The following CACNA2D4 variants were observed in gnomAD, a reference collection of about 807,000 sequenced individuals.
CACNA2D4 encodes voltage-dependent calcium channel subunit alpha-2/delta-4.
CACNA2D4 carries 157 observed loss-of-function variants against 163.8 expected under a neutral mutation model. The ratio of observed to expected loss-of-function variants is 0.96; its 90% CI spans 0.84 to 1.09. The LOEUF is 1.09. Ranked by LOEUF, CACNA2D4 falls within the 50% of genes least tolerant of loss-of-function variation. The pLI is 0.00. For synonymous variants in CACNA2D4, 598 were observed against 586.9 expected (o/e 1.02, Z -0.27); for missense variants, 1,410 against 1,479.9 (o/e 0.95, Z 0.78).
chr12:1,907,454 A>AAG lies in CACNA2D4; in HGVS notation c.765_766dup (p.Phe256SerfsTer8). ...CATGTCCTTACCTGGATAGATCCTG[A>AAG]AGAATCCAGTTGCACTGCCAAAATA... On this transcript the variant is annotated frameshift_variant, in exon 6 of 38. Transcript: ENST00000382722. LOFTEE classifies it high-confidence loss of function. 1.2e-6 allele frequency: 2 copies of AAG among 1,613,956 alleles called. No individual in the cohort carries two copies. Among genetic ancestry groups the AAG allele is most frequent in the Non-Finnish European group, 1.7e-6 (2 of 1,179,866 alleles).
Position 1,855,943 on chromosome 12 carries a change from C to A in CACNA2D4, c.2152+69G>T. 4 of 1,241,194 alleles carry A rather than the reference C, an allele frequency of 3.2e-6. No individual in the cohort carries two copies. The South Asian group carries it at 4.9e-5, about 15-fold the overall frequency. The allele number at this position is 1,241,194 out of a possible 1,614,324, so 76.9% of individuals were successfully genotyped here. On this transcript the variant is annotated intron_variant, in intron 22 of 37. Transcript: ENST00000382722. ...GCAGCCTCCCCCTGCCTTCCCACCT[C>A]TCCTGGCAAAGTCCTGAACTTCAGG... is the stretch of plus-strand genomic sequence containing the variant.
intron 26 of CACNA2D4, chr12:1,823,201 T>A (rs540382499): frequency 2.0e-5 from 3 of 152,666 alleles, no homozygotes; most frequent in East Asian, 3.9e-4. Flanking sequence ...TATCTGGCTG[T>A]GTGTCTTGGA....
At chr12:1,861,151 G>C (rs1039988938) in intron 18 of CACNA2D4, among the ~76,000 whole-genome samples, 3 of 152,154 alleles carry the variant, frequency 2.0e-5, no homozygotes, top group Admixed American at 1.3e-4. Flanking sequence ...CTTTGATTTT[G>C]GAAACTGGAG....
intron 26 of CACNA2D4, among the ~76,000 whole-genome samples, chr12:1,814,046 G>T (rs1286088865): frequency 1.3e-5 from 2 of 152,188 alleles, no homozygotes; most frequent in Admixed American, 6.5e-5. Flanking sequence ...TCATCAGAGC[G>T]AATCACGCTA....
rs1287644513 is a variant in CACNA2D4, at chr12:1,918,379, C to T, written c.95G>A (p.Ser32Asn). 5 of 1,603,120 alleles carry T rather than the reference C, an allele frequency of 3.1e-6. No homozygotes were observed. The highest frequency in any genetic ancestry group is 4.3e-6 in the Non-Finnish European group (5 of 1,175,164). Residue 32 changes from serine (S) to asparagine (N), a missense_variant, in exon 1 of 38, where the codon AGC (serine) becomes AAC (asparagine). Physicochemically the swap from Ser to Asn is conservative, Grantham distance 46. Coordinates refer to ENST00000382722, the MANE Select transcript of CACNA2D4 (RefSeq NM_172364.5). Reference protein sequence around the residue: ...PNFLANPSSSSRWIPLQPMPV... With the variant: ...PNFLANPSSSNRWIPLQPMPV... The stretch of plus-strand genomic sequence containing the variant: ...CATTGGCTGGAGGGGAATCCAGCGG[C>T]TGCTGGAGCTGGGGTTTGCGAGGAA...
In CACNA2D4 at chr12:1,797,488, A is replaced by G; in HGVS notation, c.3043T>C (p.Tyr1015His). The G allele has an allele frequency of 6.3e-7, 1 of 1,585,216 alleles. No individual in the cohort carries two copies. The highest frequency in any genetic ancestry group is 8.6e-7 in the Non-Finnish European group (1 of 1,167,852). The change falls in exon 35 of 38, where the codon TAC (tyrosine) becomes CAC (histidine). Residue 1015 changes from tyrosine to histidine, a missense_variant. Physicochemically the swap from Tyr to His is moderately conservative, Grantham distance 83. Coordinates refer to ENST00000382722, the MANE Select transcript of CACNA2D4 (RefSeq NM_172364.5). ...GCCGGCTGGTACACGAACACGGGGT[A>G]CTCCGTGTCGCAGGGCTGCAGCGGG... ...QDPLQPCDTE[Y>H]PVFVYQPAIR...
At position 1,806,706 on chromosome 12, in the gene CACNA2D4, C is replaced by T. The variant is rs1014072644; in HGVS notation, c.2721+3572G>A. On this transcript the variant is annotated intron_variant, in intron 29 of 37. Transcript: ENST00000382722. This position sits in a 1 kb window ranked among gnomAD's most constrained non-coding sequence, Gnocchi z 4.1. The stretch of plus-strand genomic sequence containing the variant: ...TCTCAACCCACCATGCACCCAGTCA[C>T]CTGGAGGGCCCCTTTGAGCAGACTG... Among the ~76,000 whole-genome samples the T allele has an allele frequency of 9.2e-5, 14 of 152,160 alleles. No individual in the cohort carries two copies. Among genetic ancestry groups the T allele is most frequent in the Non-Finnish European group, 1.9e-4 (13 of 68,028 alleles).
At chr12:1,831,273 C>T in intron 26 of CACNA2D4, 4 of 1,613,780 alleles carry the variant, frequency 2.5e-6, no homozygotes, top group Non-Finnish European at 3.4e-6. Flanking sequence ...CAGGGACCTG[C>T]TGCGGCACTC....
At chr12:1,853,386 G>C (rs767724560) in intron 23 of CACNA2D4, among the ~76,000 whole-genome samples, 5 of 152,116 alleles carry the variant, frequency 3.3e-5, no homozygotes, top group Non-Finnish European at 7.3e-5. Flanking sequence ...ATCTAATTAT[G>C]TGCTTAAATT....
intron 4 of CACNA2D4, among the ~76,000 whole-genome samples, chr12:1,909,174 GTTTGTTTATTTA>G (rs146390594): frequency 0.051 from 7,766 of 152,214 alleles, 530 homozygotes; most frequent in African/African-American, 0.15. Flanking sequence ...CCAACCTGGT[GTTTGTTTATTTA>G]TTTGTTTATT....
At chr12:1,870,946 T>A (rs1865756858) in intron 18 of CACNA2D4, among the ~76,000 whole-genome samples, 2 of 152,208 alleles carry the variant, frequency 1.3e-5, no homozygotes, top group African/African-American at 2.4e-5. Context: ...CAGAGTACTC[T>A]AGCCCTGTGT....
chr12:1,868,567 CATTGT>C (rs781148289), intron 18 of CACNA2D4, among the ~76,000 whole-genome samples: 27 of 151,420 alleles, frequency 1.8e-4, no homozygotes, highest in Non-Finnish European at 2.2e-4. Context: ...GACTAGAGTT[CATTGT>C]ATTGTATTGT....
At chr12:1,855,899 A>T in intron 22 of CACNA2D4, 113 bp downstream of exon 22, 2 of 740,120 alleles carry the variant, frequency 2.7e-6, no homozygotes, top group Non-Finnish European at 4.7e-6. Context: ...TCCATGTGCT[A>T]ATGGGATAGG....
At chr12:1,847,927 A>G (rs1865187141) in intron 23 of CACNA2D4, among the ~76,000 whole-genome samples, 2 of 152,212 alleles carry the variant, frequency 1.3e-5, no homozygotes, top group South Asian at 4.1e-4. Context: ...CATTAATATG[A>G]TCAGATAATC....
chr12:1,868,913 T>G (rs1237077918), intron 18 of CACNA2D4, among the ~76,000 whole-genome samples: 1 of 152,234 alleles, frequency 6.6e-6, no homozygotes. Flanking sequence ...TATTAGGTTT[T>G]ATAAGTAATC....
intron 6 of CACNA2D4, among the ~76,000 whole-genome samples, chr12:1,896,649 ACACAC>A (rs764453900): frequency 4.0e-4 from 59 of 146,414 alleles, no homozygotes; most frequent in African/African-American, 1.3e-3. Context: ...ACACACACAC[ACACAC>A]AAAACAGATG....
Position 1,878,520 on chromosome 12 carries a change from C to A in CACNA2D4, c.1645-131G>T. ...CAGCAGTGAGTGTTTTCAATAGGAA[C>A]GTAACTGAGCCAGTGCCATGCTTCC... On this transcript the variant is annotated intron_variant, in intron 15 of 37. Transcript: ENST00000382722. This position sits in a 1 kb window ranked among gnomAD's most constrained non-coding sequence, Gnocchi z 4.6. The A allele has an allele frequency of 1.3e-6, 2 of 1,500,066 alleles. No individual in the cohort carries two copies. The highest frequency in any genetic ancestry group is 1.8e-6 in the Non-Finnish European group (2 of 1,110,510). The allele number at this position is 1,500,066 out of a possible 1,614,324, so 92.9% of individuals were successfully genotyped here. A position where few individuals can be genotyped will look rare whatever the true frequency, so the allele number is the denominator to read the frequency against.
intron 26 of CACNA2D4, chr12:1,831,558 G>A (rs1417865391): frequency 6.5e-7 from 1 of 1,548,394 alleles, no homozygotes; most frequent in Non-Finnish European, 8.9e-7. Flanking sequence ...GGGCCCGAGG[G>A]ATTGGGACGA....
rs1864456079 is a variant in CACNA2D4, at chr12:1,828,383, A to G, written c.2551+12356T>C. Among the ~76,000 whole-genome samples, 1 of 152,184 alleles carries G rather than the reference A, an allele frequency of 6.6e-6. No homozygotes were observed. Among genetic ancestry groups the G allele is most frequent in the Admixed American group, 6.5e-5 (1 of 15,292 alleles). ...GTTCTGGGAAGCCAGGGTCACGCCC[A>G]CGGTGACAGCATCCCTGCCAGTCAG... is the stretch of plus-strand genomic sequence containing the variant. On this transcript the variant is annotated intron_variant, in intron 26 of 37. Transcript: ENST00000382722. The surrounding 1 kb of genome is among the most constrained non-coding windows in gnomAD (Gnocchi z 4.2).
Sources: allele counts gnomAD v4.1 joint callset (sites outside exome capture counted in the v4.1 genomes callset), GRCh38; gene constraint gnomAD v4.1.1; non-coding constraint Gnocchi (gnomAD v3.1); transcripts MANE v1.5; gene names NCBI Gene and HGNC (gene_info 2026-07-23, HGNC 2026-07-21).